STXBP5L: variants seen among roughly 807,000 people sequenced by gnomAD.
STXBP5L encodes syntaxin-binding protein 5-like.
STXBP5L carries 65 observed loss-of-function variants against 144.5 expected under a neutral mutation model. That is an observed-to-expected ratio of 0.45 (90% CI 0.37 to 0.55). The LOEUF is 0.55. Among genes scored for constraint, STXBP5L ranks in the 20% least tolerant of loss-of-function variants. STXBP5L has a pLI of 0.00. For synonymous variants in STXBP5L, 505 were observed against 469.6 expected (o/e 1.08, Z -0.97); for missense variants, 1,298 against 1,405.5 (o/e 0.92, Z 1.22).
chr3:121,144,426 A>G (rs910233641), intron 7 of STXBP5L, among the ~76,000 whole-genome samples: 2 of 151,870 alleles, frequency 1.3e-5, no homozygotes, highest in Non-Finnish European at 3.0e-5. Context: ...AAAACCAAGA[A>G]TAGATACTAG....
intron 20 of STXBP5L, among the ~76,000 whole-genome samples, chr3:121,341,961 T>G (rs1302492280): frequency 1.3e-5 from 2 of 152,142 alleles, no homozygotes; most frequent in Non-Finnish European, 1.5e-5. Context: ...AATAATTTAT[T>G]GTATATTTTA....
chr3:121,209,484 C>A (rs1405717706), intron 10 of STXBP5L, among the ~76,000 whole-genome samples: 1 of 151,872 alleles, frequency 6.6e-6, no homozygotes, highest in Non-Finnish European at 1.5e-5. Flanking sequence ...GCACAACGTG[C>A]AGGTTTGTTA....
chr3:121,205,094 T>G (rs1001836695), intron 9 of STXBP5L, among the ~76,000 whole-genome samples: 2 of 152,252 alleles, frequency 1.3e-5, no homozygotes, highest in Non-Finnish European at 2.9e-5. Context: ...TTTCTCTGTA[T>G]GAAAGGAGTT....
At chr3:121,340,493 C>T (rs571566221) in intron 20 of STXBP5L, among the ~76,000 whole-genome samples, 2 of 151,362 alleles carry the variant, frequency 1.3e-5, no homozygotes, top group African/African-American at 2.4e-5. Flanking sequence ...CCTCCCACCC[C>T]CCGACAGGCC....
At chr3:121,315,571 C>T (rs1481872577) in intron 19 of STXBP5L, among the ~76,000 whole-genome samples, 1 of 151,600 alleles carries the variant, frequency 6.6e-6, no homozygotes, top group Non-Finnish European at 1.5e-5. Context: ...CAGCATGGCA[C>T]ATGTATACAT....
chr3:121,014,680 C>A (rs959481324), intron 3 of STXBP5L, among the ~76,000 whole-genome samples: 1 of 151,422 alleles, frequency 6.6e-6, no homozygotes, highest in African/African-American at 2.4e-5. Context: ...AATAGGGGTA[C>A]AATTTTACAC....
rs555911835 is a variant in STXBP5L at position 121,074,691 on chromosome 3, T to G, written c.470+29156T>G. Among the ~76,000 whole-genome samples the G allele has an allele frequency of 8.5e-5, 13 of 152,284 alleles. No homozygotes were observed. The South Asian group carries it at 2.7e-3, about 32-fold the overall frequency. On this transcript the variant is annotated intron_variant, in intron 5 of 26. Coordinates refer to ENST00000471454, the MANE Select transcript of STXBP5L (RefSeq NM_001308330.2). The stretch of plus-strand genomic sequence containing the variant: ...TAAATTTTGCATCTCTCATAGAGTC[T>G]CCATTCCTTTGTTGTTGGGACAGTA...
intron 9 of STXBP5L, among the ~76,000 whole-genome samples, chr3:121,194,414 T>C (rs1303803911): frequency 1.4e-5 from 2 of 141,344 alleles, no homozygotes; most frequent in Non-Finnish European, 3.1e-5. Flanking sequence ...TATTTATTTA[T>C]TTTTCAGTGC....
intron 7 of STXBP5L, among the ~76,000 whole-genome samples, chr3:121,129,671 C>G (rs1376367436): frequency 6.6e-6 from 1 of 152,040 alleles, no homozygotes; most frequent in Non-Finnish European, 1.5e-5. Flanking sequence ...TTCTCCAGGA[C>G]TATGTTATTT....
At chr3:121,349,918 C>G in intron 20 of STXBP5L, among the ~76,000 whole-genome samples, 1 of 152,064 alleles carries the variant, frequency 6.6e-6, no homozygotes, top group Non-Finnish European at 1.5e-5. Flanking sequence ...ATCCAATTTG[C>G]CAGTCTGTGT....
chr3:121,098,606 C>T (rs537857284), intron 5 of STXBP5L, among the ~76,000 whole-genome samples: 10 of 152,314 alleles, frequency 6.6e-5, no homozygotes, highest in African/African-American at 1.9e-4. Context: ...GACACACACT[C>T]AAACCGTATT....
intron 9 of STXBP5L, among the ~76,000 whole-genome samples, chr3:121,170,944 A>G (rs1249756600): frequency 6.6e-6 from 1 of 152,232 alleles, no homozygotes; most frequent in East Asian, 1.9e-4. Flanking sequence ...AATCCTCAAT[A>G]AAATACTGGT....
At chr3:121,271,776 A>G (rs1212306082) in intron 18 of STXBP5L, among the ~76,000 whole-genome samples, 2 of 152,198 alleles carry the variant, frequency 1.3e-5, no homozygotes, top group East Asian at 1.9e-4. Flanking sequence ...TACTCTAAAG[A>G]CATGTCTGAG....
At chr3:121,276,511 C>G (rs910666884) in intron 18 of STXBP5L, among the ~76,000 whole-genome samples, 2 of 151,784 alleles carry the variant, frequency 1.3e-5, no homozygotes, top group Non-Finnish European at 2.9e-5. Context: ...TCTAAGATTT[C>G]CCTTATTATT....
chr3:121,273,733 T>C (rs1414858815), intron 18 of STXBP5L, among the ~76,000 whole-genome samples: 1 of 152,092 alleles, frequency 6.6e-6, no homozygotes, highest in African/African-American at 2.4e-5. Flanking sequence ...TCTATTCTTA[T>C]CTATTTTTTG....
intron 3 of STXBP5L, among the ~76,000 whole-genome samples, chr3:121,003,418 T>G (rs185485520): frequency 6.6e-6 from 1 of 151,890 alleles, no homozygotes; most frequent in Non-Finnish European, 1.5e-5. Flanking sequence ...TTTCTTGTAA[T>G]TTTGTTTGAG....
At chr3:121,211,710 C>T (rs2048575995) in intron 10 of STXBP5L, among the ~76,000 whole-genome samples, 1 of 151,746 alleles carries the variant, frequency 6.6e-6, no homozygotes, top group Non-Finnish European at 1.5e-5. Context: ...TCCTGAGTAA[C>T]TGTGACTACA....
intron 20 of STXBP5L, among the ~76,000 whole-genome samples, chr3:121,367,242 A>G (rs568916205): frequency 3.3e-5 from 5 of 152,254 alleles, no homozygotes; most frequent in South Asian, 2.1e-4. Flanking sequence ...TTATTCCTTC[A>G]TATGGCTTTG....
At chr3:120,967,215 TGGCTAGGAA>T (rs1269191680) in intron 3 of STXBP5L, among the ~76,000 whole-genome samples, 1 of 152,122 alleles carries the variant, frequency 6.6e-6, no homozygotes, top group Non-Finnish European at 1.5e-5. Context: ...CCGCTTCCCT[TGGCTAGGAA>T]AGGGAAATTT....
Sources: allele counts gnomAD v4.1 joint callset (sites outside exome capture counted in the v4.1 genomes callset), GRCh38; gene constraint gnomAD v4.1.1; transcripts MANE v1.5; gene names NCBI Gene and HGNC (gene_info 2026-07-23, HGNC 2026-07-21).